The following PCM1 variants were observed in gnomAD, a reference collection of about 807,000 sequenced individuals.
The protein encoded by PCM1 is pericentriolar material 1, also known as pericentriolar material 1 protein.
PCM1 carries 157 observed loss-of-function variants against 241.9 expected under a neutral mutation model. The ratio of observed to expected loss-of-function variants is 0.65; its 90% CI spans 0.57 to 0.74. The LOEUF is 0.74. Ranked by LOEUF, PCM1 falls within the 30% of genes least tolerant of loss-of-function variation. PCM1 has a pLI of 0.00. For missense variants in PCM1, 3,478 were observed against 2,360.1 expected, an observed-to-expected ratio of 1.47 and a Z score of -9.81; for synonymous variants, 1,085 against 784.9, an observed-to-expected ratio of 1.38 and a Z score of -6.39.
chr8:18,010,941 C>T (rs2092407800), intron 32 of PCM1, among the ~76,000 whole-genome samples: 1 of 152,152 alleles, frequency 6.6e-6, no homozygotes, highest in South Asian at 2.1e-4. Context: ...CCACTGCATT[C>T]CAGCCTGGGC....
At chr8:17,933,982 C>T (rs2059741751) in intron 2 of PCM1, among the ~76,000 whole-genome samples, 2 of 151,502 alleles carry the variant, frequency 1.3e-5, no homozygotes, top group African/African-American at 2.4e-5. Context: ...TGAAATATAA[C>T]AGGAAGGGTC....
At chr8:17,973,821 C>A (rs527976960) in intron 23 of PCM1, among the ~76,000 whole-genome samples, 1 of 152,004 alleles carries the variant, frequency 6.6e-6, no homozygotes, top group Non-Finnish European at 1.5e-5. Context: ...CTTGGAAGTT[C>A]ACAACACATA....
chr8:17,986,722 A>G (rs1336627613), intron 26 of PCM1, among the ~76,000 whole-genome samples: 2 of 151,818 alleles, frequency 1.3e-5, no homozygotes, highest in African/African-American at 4.8e-5. Flanking sequence ...GTGTTTGGGA[A>G]TCACCTATTT....
chr8:18,018,117 C>T (rs2093400703), intron 36 of PCM1, among the ~76,000 whole-genome samples: 1 of 152,162 alleles, frequency 6.6e-6, no homozygotes, highest in South Asian at 2.1e-4. Flanking sequence ...CTCTGTGAAC[C>T]AGTCTAAATG....
At chr8:17,979,428 A>G (rs181600271) in intron 23 of PCM1, among the ~76,000 whole-genome samples, 2 of 152,342 alleles carry the variant, frequency 1.3e-5, no homozygotes, top group Admixed American at 1.3e-4. Context: ...TCCTAGAGTT[A>G]CAAGGTAAAC....
chr8:17,996,538 A>G (rs1217847797), intron 29 of PCM1, among the ~76,000 whole-genome samples: 1 of 152,170 alleles, frequency 6.6e-6, no homozygotes, highest in Non-Finnish European at 1.5e-5. Context: ...ATCTTTTAAA[A>G]TACCAACTTT....
chr8:18,011,850 A>C, intron 34 of PCM1, 23 bp downstream of exon 34: 2 of 1,560,194 alleles, frequency 1.3e-6, no homozygotes, highest in Non-Finnish European at 1.7e-6. Context: ...TGACTGACAC[A>C]CTTCCATCAG....
At chr8:18,013,315 A>G (rs1186025964) in intron 34 of PCM1, among the ~76,000 whole-genome samples, 2 of 152,194 alleles carry the variant, frequency 1.3e-5, no homozygotes, top group Admixed American at 6.5e-5. Flanking sequence ...CATTTTCAAT[A>G]GCAAAACCCA....
Position 18,025,348 on chromosome 8 carries a change from C to A in PCM1, c.5842-13C>A. On this transcript the variant is annotated splice_polypyrimidine_tract_variant and intron_variant, in intron 36 of 38. Coordinates refer to ENST00000325083, the MANE Select transcript of PCM1 (RefSeq NM_006197.4). The stretch of plus-strand genomic sequence containing the variant: ...ATCTAGAGTATGTATTTTTTTTTTT[C>A]ATTACATTACAGGAAGCAGAATCTG... The A allele has an allele frequency of 7.2e-7, 1 of 1,388,370 alleles. No individual in the cohort carries two copies. The highest frequency in any genetic ancestry group is 1.0e-6 in the Non-Finnish European group (1 of 998,962). The allele number at this position is 1,388,370 out of a possible 1,614,324, so 86.0% of individuals were successfully genotyped here. A position where few individuals can be genotyped will look rare whatever the true frequency, so the allele number is the denominator to read the frequency against.
chr8:17,969,897 G>T, intron 22 of PCM1, 149 bp downstream of exon 22: 1 of 624,980 alleles, frequency 1.6e-6, no homozygotes, highest in South Asian at 2.1e-5. Flanking sequence ...CGTATCAGTA[G>T]ATGAGATGCC....
rs370049310 is a variant in PCM1, at chr8:17,960,131, A to T, written c.2158A>T (p.Thr720Ser). The change falls in exon 14 of 39, where the codon ACA (threonine) becomes TCA (serine). Residue 720 changes from threonine (T) to serine (S), a missense_variant. Coordinates refer to ENST00000325083, the MANE Select transcript of PCM1 (RefSeq NM_006197.4). ...SNNTRGNANK[T>S]QKDTGVNEKA... ...TAACACTAGAGGAAATGCCAATAAA[A>T]CACAGAAAGATACTGGAGTAAATGA... 6.3e-7 allele frequency: 1 copy of T among 1,591,140 alleles called. No homozygotes were observed. The highest frequency in any genetic ancestry group is 2.3e-5 in the East Asian group (1 of 44,178).
intron 24 of PCM1, chr8:17,983,283 G>T: frequency 7.6e-7 from 1 of 1,323,634 alleles, no homozygotes; most frequent in Non-Finnish European, 9.9e-7. Context: ...ATGCAATGAA[G>T]CGCCAGGTAA....
intron 21 of PCM1, among the ~76,000 whole-genome samples, chr8:17,969,095 A>C (rs2076024727): frequency 6.6e-6 from 1 of 152,224 alleles, no homozygotes; most frequent in Admixed American, 6.5e-5. Flanking sequence ...GTATTTAATT[A>C]TATTCTACTT....
intron 11 of PCM1, among the ~76,000 whole-genome samples, chr8:17,957,036 G>A (rs952747632): frequency 3.9e-5 from 6 of 152,092 alleles, no homozygotes; most frequent in Admixed American, 1.3e-4. Context: ...GCATTTTGCT[G>A]TCTTTTTCTT....
chr8:18,024,390 A>G (rs888488478), intron 36 of PCM1, among the ~76,000 whole-genome samples: 1 of 152,070 alleles, frequency 6.6e-6, no homozygotes, highest in Admixed American at 6.6e-5. Context: ...TTAAATATAT[A>G]TTTACAGTTA....
rs991859820 is a variant in PCM1 at position 17,980,623 on chromosome 8, G to A, written c.3976G>A (p.Glu1326Lys). 8 of 1,612,620 alleles carry A rather than the reference G, an allele frequency of 5.0e-6. No homozygotes were observed. Among genetic ancestry groups the A allele is most frequent in the Non-Finnish European group, 6.8e-6 (8 of 1,179,340 alleles). Residue 1326 changes from glutamate to lysine, a missense_variant, in exon 24 of 39, where the codon GAA becomes AAA. Transcript: ENST00000325083. ...AAGTGCCAGTATGTCTAGCACATGT[G>A]AACCTTGCAAAAGTAGGAACAGACA... ...YESASMSSTC[E>K]PCKSRNRHSA...
intron 13 of PCM1, 81 bp from the exon 14 acceptor site, chr8:17,959,933 G>C (rs2129466221): frequency 1.5e-6 from 2 of 1,308,290 alleles, no homozygotes; most frequent in Non-Finnish European, 2.1e-6. Flanking sequence ...AAATTTTACA[G>C]ACTAGTGGTA....
chr8:17,930,690 A>G (rs977441688), intron 2 of PCM1, among the ~76,000 whole-genome samples: 5 of 151,890 alleles, frequency 3.3e-5, no homozygotes, highest in Non-Finnish European at 5.9e-5. Context: ...CATCCTGGCT[A>G]ACATGGTGAA....
chr8:18,011,395 A>T (rs750813945), intron 33 of PCM1, 29 bp downstream of exon 33: 2 of 1,437,812 alleles, frequency 1.4e-6, no homozygotes, highest in Non-Finnish European at 1.8e-6. Context: ...TACTATCTTT[A>T]TACTTTAGTT....
Sources: allele counts gnomAD v4.1 joint callset (sites outside exome capture counted in the v4.1 genomes callset), GRCh38; gene constraint gnomAD v4.1.1; transcripts MANE v1.5; gene names NCBI Gene and HGNC (gene_info 2026-07-23, HGNC 2026-07-21).